Variants in SLC4A9 observed in about 807,000 individuals in gnomAD.
The protein encoded by SLC4A9 is solute carrier family 4 member 9.
SLC4A9 carries 102 observed loss-of-function variants against 103.2 expected under a neutral mutation model. The ratio of observed to expected loss-of-function variants is 0.99; its 90% confidence interval spans 0.84 to 1.17. The LOEUF (loss-of-function observed/expected upper bound fraction) is 1.17, where lower values mean the gene tolerates loss of function less well. SLC4A9 is among the 50% of genes most tolerant of loss of function. The probability of loss-of-function intolerance (pLI) is 0.00; values close to 1 mark genes in which losing one functional copy is unlikely to be tolerated. For synonymous variants in SLC4A9, 453 were observed against 483.6 expected, an observed-to-expected ratio of 0.94 and a Z score of 0.83; for missense variants, 1,091 against 1,193.7, an observed-to-expected ratio of 0.91 and a Z score of 1.27.
intron 18 of SLC4A9, 112 bp downstream of exon 18, chr5:140,371,275 C>T: frequency 1.4e-6 from 2 of 1,405,250 alleles, no homozygotes; most frequent in East Asian, 4.7e-5. Flanking sequence ...GCTGGCATCT[C>T]CTGCTTACAC....
At position 140,362,164 on chromosome 5, in the gene SLC4A9, C is replaced by G. The variant is rs1767182587; in HGVS notation, c.709C>G (p.Leu237Val). Residue 237 changes from leucine (L) to valine (V), a missense_variant, in exon 5 of 22, where the codon CTC (leucine) becomes GTC (valine). Physicochemically the swap from Leu to Val is conservative, Grantham distance 32 (BLOSUM62 1). Transcript: ENST00000506757. ...ACTGGGGTCCCTTACTGAGGTGTCC[C>G]TCCCAAGCAGGTGAGGCTACTGAGT... ...VVLGSLTEVS[L>V]PSRFFCLLLG... 1 of 1,538,630 alleles carries G rather than the reference C, an allele frequency of 6.5e-7. No individual in the cohort carries two copies. Among genetic ancestry groups the G allele is most frequent in the African/African-American group, 1.4e-5 (1 of 71,644 alleles).
Position 140,362,442 on chromosome 5 carries a change from C to T in SLC4A9, c.720-3C>T. 1 of 1,613,930 alleles carries T rather than the reference C, an allele frequency of 6.2e-7. No individual in the cohort carries two copies. The highest frequency in any genetic ancestry group is 8.5e-7 in the Non-Finnish European group (1 of 1,179,812). The stretch of plus-strand genomic sequence containing the variant: ...AATCTCTGGGGCCTGGTTCCTTCCT[C>T]AGGTTTTTCTGCCTTCTCCTGGGCC... On this transcript the variant is annotated splice_region_variant and splice_polypyrimidine_tract_variant and intron_variant, in intron 5 of 21. Coordinates refer to ENST00000506757, the MANE Select transcript of SLC4A9 (RefSeq NM_031467.3).
intron 21 of SLC4A9, among the ~76,000 whole-genome samples, chr5:140,373,735 G>A (rs535121569): frequency 1.8e-4 from 28 of 152,184 alleles, no homozygotes; most frequent in Admixed American, 1.8e-3. Flanking sequence ...CAATAATCAC[G>A]ACTGTGAATA....
chr5:140,367,572 C>T lies in SLC4A9; in HGVS notation c.2166C>T (p.Tyr722=). 1 of 1,603,236 alleles carries T rather than the reference C, an allele frequency of 6.2e-7. No homozygotes were observed. The highest frequency in any genetic ancestry group is 1.7e-5 in the Admixed American group (1 of 58,128). ...ITAVILNRME[Y]RLQKGAGFHL... ...CAGTCATCCTCAACCGCATGGAATA[C>T]AGACTGCAGGTAAGGCCTGCTGGGT... Residue 722 remains tyrosine, a synonymous_variant, in exon 15 of 22, where the codon TAC becomes TAT. Coordinates refer to ENST00000506757, the MANE Select transcript of SLC4A9 (RefSeq NM_031467.3).
intron 18 of SLC4A9, 51 bp from the exon 19 acceptor site, chr5:140,371,400 C>A: frequency 6.2e-7 from 1 of 1,604,536 alleles, no homozygotes; most frequent in South Asian, 1.1e-5. Context: ...GTGACACCCT[C>A]CTATCAGGCT....
chr5:140,373,096 T>A (rs925962945), intron 21 of SLC4A9, among the ~76,000 whole-genome samples: 1 of 151,776 alleles, frequency 6.6e-6, no homozygotes, highest in African/African-American at 2.4e-5. Flanking sequence ...AAATGAGAAG[T>A]GGAAATGGGT....
At position 140,367,505 on chromosome 5, in the gene SLC4A9, T is replaced by C; in HGVS notation, c.2099T>C (p.Leu700Pro). Residue 700 changes from leucine to proline, a missense_variant, in exon 15 of 22, where the codon CTG becomes CCG. Coordinates refer to ENST00000506757, the MANE Select transcript of SLC4A9 (RefSeq NM_031467.3). Reference protein sequence around the residue: ...WWSVAAALPALLLSILIFMDQ... With the variant: ...WWSVAAALPAPLLSILIFMDQ... ...AGTGTGGCAGCTGCCCTGCCTGCCC[T>C]GCTGCTGTCTATCCTCATCTTCATG... 1 of 1,605,304 alleles carries C rather than the reference T, an allele frequency of 6.2e-7. No homozygotes were observed. Among genetic ancestry groups the C allele is most frequent in the Non-Finnish European group, 8.5e-7 (1 of 1,176,188 alleles).
chr5:140,367,382 G>T (rs747234400), intron 14 of SLC4A9, 38 bp from the exon 15 acceptor site: 2 of 1,598,588 alleles, frequency 1.3e-6, no homozygotes, highest in Non-Finnish European at 1.7e-6. Context: ...GCTCTTGGGA[G>T]ACCCACTCCA....
Position 140,365,591 on chromosome 5 carries a change from T to C in SLC4A9, c.1710+13T>C, listed in dbSNP as rs1767761085. On this transcript the variant is annotated intron_variant, in intron 12 of 21. Transcript: ENST00000506757. ...CATTGTAAGCATGGTGAGGGACTGC[T>C]CCTGGGAGGTTCTAGGAAGGAAAGG... 2 of 1,610,190 alleles carry C rather than the reference T, an allele frequency of 1.2e-6. No homozygotes were observed. Among genetic ancestry groups the C allele is most frequent in the East Asian group, 2.2e-5 (1 of 44,836 alleles).
chr5:140,361,189 G>T (rs776918719), intron 2 of SLC4A9, 65 bp from the exon 3 acceptor site: 12 of 1,421,584 alleles, frequency 8.4e-6, no homozygotes, highest in Non-Finnish European at 1.2e-5. Context: ...TGGGCAGAGG[G>T]AGAAGGGGAA....
intron 14 of SLC4A9, among the ~76,000 whole-genome samples, chr5:140,366,645 G>A (rs1020653505): frequency 4.6e-5 from 7 of 152,154 alleles, no homozygotes; most frequent in East Asian, 1.9e-4. Flanking sequence ...TTCCTACCCC[G>A]TAGATTGTTT....
In SLC4A9 at chr5:140,361,664, T is replaced by TCAC. The variant is rs1295904637; in HGVS notation, c.506-144_506-143insCAC. 41 of 874,062 alleles carry TCAC rather than the reference T, an allele frequency of 4.7e-5. No individual in the cohort carries two copies. The African/African-American group carries it at 6.5e-4, about 14-fold the overall frequency. 54.1% of individuals were successfully genotyped at this position (874,062 alleles called of 1,614,324 possible). A position where few individuals can be genotyped will look rare whatever the true frequency, so the allele number is the denominator to read the frequency against. ...AATAGTACCACAATTATCCCCATTT[T>TCAC]AGTGGTGAGAAAACTGTGGCTCAGA... On this transcript the variant is annotated intron_variant, in intron 3 of 21. Transcript: ENST00000506757.
Position 140,363,045 on chromosome 5 carries a change from G to A in SLC4A9, c.941G>A (p.Cys314Tyr), listed in dbSNP as rs201100362. ...ACAGCCCGGATTCCCCCGCCCAAAT[G>A]TCTGCCATCTCAGCACAAAAGGTAC... is the stretch of plus-strand genomic sequence containing the variant. ...DPTARIPPPK[C>Y]LPSQHKRLPS... Residue 314 changes from cysteine (C) to tyrosine (Y), a missense_variant, in exon 7 of 22, where the codon TGT becomes TAT. Cys to Tyr is a radical substitution (Grantham distance 194). Coordinates refer to ENST00000506757, the MANE Select transcript of SLC4A9 (RefSeq NM_031467.3). The surrounding 1 kb of genome is among the most constrained non-coding windows in gnomAD (Gnocchi z 4.5). The A allele has an allele frequency of 1.6e-4, 256 of 1,613,134 alleles. No individual in the cohort carries two copies. Among genetic ancestry groups the A allele is most frequent in the Non-Finnish European group, 2.0e-4 (239 of 1,179,698 alleles).
In SLC4A9 at chr5:140,364,214, C is replaced by T. The variant is rs1427225893; in HGVS notation, c.1388+27C>T. 7 of 1,565,224 alleles carry T rather than the reference C, an allele frequency of 4.5e-6. No individual in the cohort carries two copies. The African/African-American group carries it at 8.1e-5, about 18-fold the overall frequency. On this transcript the variant is annotated intron_variant, in intron 10 of 21. Transcript: ENST00000506757. Reference sequence around the variant, plus strand: ...TAGGAGAGCTCCCCCCATCACCGGACCCTCACTAGTGCCATGGTCAGCCTG... The same window carrying T: ...TAGGAGAGCTCCCCCCATCACCGGATCCTCACTAGTGCCATGGTCAGCCTG...
intron 17 of SLC4A9, 59 bp from the exon 18 acceptor site, chr5:140,371,036 G>A (rs190244495): frequency 1.3e-6 from 2 of 1,515,498 alleles, no homozygotes; most frequent in East Asian, 4.7e-5. Flanking sequence ...TGGGCATCCT[G>A]GGGCATCTGG....
rs748380608 is a variant in SLC4A9 at position 140,364,339 on chromosome 5, C to A, written c.1389-24C>A. 9.9e-6 allele frequency: 16 copies of A among 1,611,128 alleles called. No individual in the cohort carries two copies. The East Asian group carries it at 3.1e-4, about 31-fold the overall frequency. ...GAAGCAGACAGCCCTGCTAAGCCAG[C>A]CTTCCTGTCTCTCATCCCCACAGAG... On this transcript the variant is annotated intron_variant, in intron 10 of 21. Coordinates refer to ENST00000506757, the MANE Select transcript of SLC4A9 (RefSeq NM_031467.3).
Position 140,362,981 on chromosome 5 carries a change from G to C in SLC4A9, c.877G>C (p.Glu293Gln), listed in dbSNP as rs1767326066. 1.2e-6 allele frequency: 2 copies of C among 1,613,116 alleles called. No individual in the cohort carries two copies. Among genetic ancestry groups the C allele is most frequent in the African/African-American group, 2.7e-5 (2 of 74,860 alleles). The change falls in exon 7 of 22, where the codon GAG becomes CAG. Residue 293 changes from glutamate to glutamine, a missense_variant. Coordinates refer to ENST00000506757, the MANE Select transcript of SLC4A9 (RefSeq NM_031467.3). ...TCTGGCAGCCCTGGATGCATTCCTA[G>C]AGGAGGTGACAGTGCTTCCCCCAGG... ...DLLAALDAFL[E>Q]EVTVLPPGRW...
At position 140,363,611 on chromosome 5, in the gene SLC4A9, C is replaced by T; in HGVS notation, c.1079+56C>T. 2 of 1,559,834 alleles carry T rather than the reference C, an allele frequency of 1.3e-6. No individual in the cohort carries two copies. The highest frequency in any genetic ancestry group is 1.4e-5 in the African/African-American group (1 of 73,694). On this transcript the variant is annotated intron_variant, in intron 8 of 21. Transcript: ENST00000506757. This position sits in a 1 kb window ranked among gnomAD's most constrained non-coding sequence, Gnocchi z 4.5. ...GTGACCTGGGGGAGGGGAGGAGTCA[C>T]AGGGAAACTGAGGTGTGTGCTCACT... is the stretch of plus-strand genomic sequence containing the variant.
rs1322969404 is a variant in SLC4A9 at position 140,366,038 on chromosome 5, CT to C, written c.1899+19del. ...CCCCTCTGTGGTGAGTTTCACCTTT[CT>C]TTCTGTGGGAGAGGCCTGACTCTAA... On this transcript the variant is annotated intron_variant, in intron 13 of 21. Transcript: ENST00000506757. 1 of 1,613,554 alleles carries C rather than the reference CT, an allele frequency of 6.2e-7. No homozygotes were observed. Among genetic ancestry groups the C allele is most frequent in the East Asian group, 2.2e-5 (1 of 44,884 alleles).
Sources: gnomAD v4.1 joint callset for allele counts (sites outside exome capture counted in the v4.1 genomes callset) on GRCh38, gnomAD v4.1.1 for gene constraint, Gnocchi (gnomAD v3.1) non-coding constraint, MANE v1.5 for transcripts, NCBI Gene and HGNC (gene_info 2026-07-23, HGNC 2026-07-21) for gene names.